Variants in PLEKHA5 observed in about 807,000 individuals in gnomAD.
PLEKHA5 encodes pleckstrin homology domain-containing family A member 5.
Under a neutral mutation model 181.9 loss-of-function variants are expected in PLEKHA5, and 55 were observed. That is an observed-to-expected ratio of 0.30 (90% confidence interval 0.24 to 0.38). The LOEUF (loss-of-function observed/expected upper bound fraction) is 0.38. Among genes scored for constraint, PLEKHA5 ranks in the 10% least tolerant of loss-of-function variants. PLEKHA5 has a pLI of 1.00. For synonymous variants in PLEKHA5, 535 were observed against 529.4 expected, an observed-to-expected ratio of 1.01 and a Z score of -0.15; for missense variants, 1,432 against 1,549.5, an observed-to-expected ratio of 0.92 and a Z score of 1.27.
At chr12:19,374,373 A>G (rs1341935148) in intron 31 of PLEKHA5, among the ~76,000 whole-genome samples, 1 of 152,048 alleles carries the variant, frequency 6.6e-6, no homozygotes, top group East Asian at 1.9e-4. Flanking sequence ...TAATCACATT[A>G]TGTTGGCCGG....
chr12:19,233,547 T>A (rs2060951289), intron 3 of PLEKHA5, among the ~76,000 whole-genome samples: 1 of 152,142 alleles, frequency 6.6e-6, no homozygotes, highest in Non-Finnish European at 1.5e-5. Flanking sequence ...CTGGATTTAG[T>A]TGTTTGAACA....
At chr12:19,213,075 T>G (rs2057285890) in intron 3 of PLEKHA5, among the ~76,000 whole-genome samples, 2 of 152,202 alleles carry the variant, frequency 1.3e-5, no homozygotes, top group Non-Finnish European at 2.9e-5. Flanking sequence ...CATGAGATTA[T>G]TTACACATTC....
intron 28 of PLEKHA5, among the ~76,000 whole-genome samples, chr12:19,360,147 C>T (rs1006808476): frequency 3.3e-5 from 5 of 151,626 alleles, no homozygotes; most frequent in Non-Finnish European, 7.4e-5. Context: ...GCCTGGGCAA[C>T]ATGGTGAAAC....
At chr12:19,200,952 TTC>T (rs1323267026) in intron 3 of PLEKHA5, 4 of 152,174 alleles carry the variant, frequency 2.6e-5, no homozygotes, top group African/African-American at 9.7e-5. Context: ...TGGCAAAGAT[TTC>T]TTAGATGCGA....
intron 21 of PLEKHA5, among the ~76,000 whole-genome samples, chr12:19,339,812 C>T (rs1272301792): frequency 6.6e-6 from 1 of 152,052 alleles, no homozygotes; most frequent in Non-Finnish European, 1.5e-5. Context: ...AAAATAATAC[C>T]TACTCCTGCT....
intron 3 of PLEKHA5, among the ~76,000 whole-genome samples, chr12:19,186,450 G>T (rs2049881394): frequency 1.3e-5 from 2 of 152,174 alleles, no homozygotes; most frequent in African/African-American, 4.8e-5. Flanking sequence ...AATGATGTTC[G>T]TTTTGATGAA....
At chr12:19,148,555 C>T (rs1387199790) in intron 3 of PLEKHA5, among the ~76,000 whole-genome samples, 1 of 152,140 alleles carries the variant, frequency 6.6e-6, no homozygotes, top group African/African-American at 2.4e-5. Context: ...CAGGACAACC[C>T]CACAGAGTAG....
intron 18 of PLEKHA5, among the ~76,000 whole-genome samples, chr12:19,321,962 C>T (rs369720721): frequency 1.3e-5 from 2 of 151,986 alleles, no homozygotes; most frequent in East Asian, 3.9e-4. Flanking sequence ...CACTAAAACC[C>T]TGATGAAAGT....
intron 21 of PLEKHA5, among the ~76,000 whole-genome samples, chr12:19,340,591 C>T (rs2093821120): frequency 6.8e-6 from 1 of 147,940 alleles, no homozygotes; most frequent in African/African-American, 2.5e-5. Context: ...GGAGACTTTT[C>T]ATTTTGTTCT....
At position 19,238,459 on chromosome 12, in the gene PLEKHA5, G is replaced by C. The variant is rs568550164; in HGVS notation, c.228-15481G>C. Among the ~76,000 whole-genome samples the C allele has an allele frequency of 2.0e-5, 3 of 152,140 alleles. No homozygotes were observed. In the East Asian group the frequency reaches 5.8e-4, roughly 29 times the overall value. ...GTTTCAAGTTTGCTCTATTTGACTT[G>C]ACAGTCCTAATTTAAGAGCCACAAT... On this transcript the variant is annotated intron_variant, in intron 3 of 31. Coordinates refer to ENST00000429027, the MANE Select transcript of PLEKHA5 (RefSeq NM_001256470.2).
chr12:19,236,419 A>AGT (rs1282879642), intron 3 of PLEKHA5, among the ~76,000 whole-genome samples: 1 of 152,122 alleles, frequency 6.6e-6, no homozygotes, highest in Admixed American at 6.6e-5. Context: ...GAATTTGTAA[A>AGT]GTGCTTAACA....
intron 26 of PLEKHA5, among the ~76,000 whole-genome samples, chr12:19,357,653 G>A (rs887366535): frequency 4.6e-5 from 7 of 150,638 alleles, no homozygotes; most frequent in Admixed American, 4.6e-4. Flanking sequence ...GTTTGAGATG[G>A]CATCTGGCTC....
At position 19,346,986 on chromosome 12, in the gene PLEKHA5, A is replaced by G. The variant is rs2094365527; in HGVS notation, c.2710-8A>G. ...ATCTAAATAAGGTGACTGTTCTACA[A>G]TCTTTAGGAAGAGGAAGTAGTCCCA... On this transcript the variant is annotated splice_region_variant and splice_polypyrimidine_tract_variant and intron_variant, in intron 23 of 31. Transcript: ENST00000429027. The G allele has an allele frequency of 1.3e-6, 2 of 1,538,566 alleles. No individual in the cohort carries two copies. The highest frequency in any genetic ancestry group is 1.8e-6 in the Non-Finnish European group (2 of 1,138,090).
At chr12:19,168,548 G>A (rs879281613) in intron 3 of PLEKHA5, among the ~76,000 whole-genome samples, 8 of 146,856 alleles carry the variant, frequency 5.4e-5, no homozygotes, top group African/African-American at 9.8e-5. Flanking sequence ...AATTTGATAC[G>A]ATTAGTAGTA....
At position 19,283,390 on chromosome 12, in the gene PLEKHA5, C is replaced by G; in HGVS notation, c.1424C>G (p.Pro475Arg). 1 of 1,613,988 alleles carries G rather than the reference C, an allele frequency of 6.2e-7. No individual in the cohort carries two copies. The highest frequency in any genetic ancestry group is 8.5e-7 in the Non-Finnish European group (1 of 1,179,994). ...RTLPRNSKTR[P>R]ESICSVTPST... The stretch of plus-strand genomic sequence containing the variant: ...CTCCCAAGAAACAGCAAGACAAGGC[C>G]TGAAAGTATCTGCAGTGTAACCCCT... Residue 475 changes from proline (P) to arginine (R), a missense_variant, in exon 12 of 32, where the codon CCT becomes CGT. Physicochemically the swap from Pro to Arg is moderately radical, Grantham distance 103. Transcript: ENST00000429027.
At chr12:19,284,772 C>G (rs1265840767) in intron 12 of PLEKHA5, among the ~76,000 whole-genome samples, 1 of 151,864 alleles carries the variant, frequency 6.6e-6, no homozygotes, top group East Asian at 1.9e-4. Flanking sequence ...TTTTTTCATA[C>G]TGAAGAGTTC....
intron 6 of PLEKHA5, among the ~76,000 whole-genome samples, chr12:19,257,944 TCCC>T (rs149680025): frequency 6.6e-6 from 1 of 152,004 alleles, no homozygotes; most frequent in African/African-American, 2.4e-5. Flanking sequence ...GTTGTATATT[TCCC>T]CCCTTTATAC....
chr12:19,367,297 C>G (rs1483924257), intron 30 of PLEKHA5, among the ~76,000 whole-genome samples: 1 of 131,372 alleles, frequency 7.6e-6, no homozygotes, highest in Non-Finnish European at 1.6e-5. Context: ...GCTCTTTCAC[C>G]CAGGCTGGAG....
chr12:19,193,253 T>G (rs1307283110), intron 3 of PLEKHA5, among the ~76,000 whole-genome samples: 1 of 152,204 alleles, frequency 6.6e-6, no homozygotes, highest in Non-Finnish European at 1.5e-5. Context: ...GGGCAGAATA[T>G]AGTAAGATTC....
Sources: gnomAD v4.1 joint callset for allele counts (sites outside exome capture counted in the v4.1 genomes callset) on GRCh38, gnomAD v4.1.1 for gene constraint, MANE v1.5 for transcripts, NCBI Gene and HGNC (gene_info 2026-07-23, HGNC 2026-07-21) for gene names.